AEBP2: variants seen among roughly 807,000 people sequenced by gnomAD.
AEBP2 encodes AE binding protein 2, also known as zinc finger protein AEBP2.
Under a neutral mutation model 50.8 loss-of-function variants are expected in AEBP2, and 10 were observed. The observed-to-expected ratio is 0.20, with a 90% CI of 0.12 to 0.33. The LOEUF is 0.33. Among genes scored for constraint, AEBP2 ranks in the 10% least tolerant of loss-of-function variants. The pLI is 1.00. For missense variants in AEBP2, 570 were observed against 688.0 expected (o/e 0.83, Z 1.92); for synonymous variants, 296 against 261.3 (o/e 1.13, Z -1.28).
At chr12:19,494,427 C>T (rs1948939428) in intron 4 of AEBP2, among the ~76,000 whole-genome samples, 2 of 151,596 alleles carry the variant, frequency 1.3e-5, no homozygotes, top group Non-Finnish European at 2.9e-5. Flanking sequence ...CAGAGTGAGA[C>T]CCTGTCTCAA....
chr12:19,462,732 TTC>T lies in AEBP2; in HGVS notation c.879+17_879+18del. 6.4e-7 allele frequency: 1 copy of T among 1,570,778 alleles called. No homozygotes were observed. Among genetic ancestry groups the T allele is most frequent in the Non-Finnish European group, 8.7e-7 (1 of 1,152,026 alleles). On this transcript the variant is annotated intron_variant, in intron 2 of 7. Transcript: ENST00000266508. The stretch of plus-strand genomic sequence containing the variant: ...AGCGAGGAGGGGTTGGTTTTGTCAT[TTC>T]TTTTTTTCGCTCCCTGTTTTCGTTA...
At chr12:19,513,892 ATTT>A (rs34664301) in intron 6 of AEBP2, among the ~76,000 whole-genome samples, 54 of 100,340 alleles carry the variant, frequency 5.4e-4, no homozygotes, top group East Asian at 3.6e-3. Context: ...GGCCGCATGC[ATTT>A]TTTTTTTTTT....
intron 1 of AEBP2, among the ~76,000 whole-genome samples, chr12:19,409,212 C>A (rs58515106): frequency 6.6e-6 from 1 of 152,070 alleles, no homozygotes; most frequent in Admixed American, 6.6e-5. Flanking sequence ...AATCTACTTG[C>A]GTTAGTGTTG....
At chr12:19,486,808 C>CT (rs148320030) in intron 3 of AEBP2, among the ~76,000 whole-genome samples, 11,052 of 148,464 alleles carry the variant, frequency 0.074, 472 homozygotes, top group South Asian at 0.2. Context: ...CTTTTCTTTT[C>CT]TTTTTTTTTT....
intron 5 of AEBP2, among the ~76,000 whole-genome samples, chr12:19,509,599 A>T (rs1339833755): frequency 6.6e-6 from 1 of 151,990 alleles, no homozygotes; most frequent in Admixed American, 6.6e-5. Context: ...TAAAAAAGAC[A>T]TACCTAGGCG....
At chr12:19,417,001 A>G (rs549477601) in intron 1 of AEBP2, among the ~76,000 whole-genome samples, 3 of 151,406 alleles carry the variant, frequency 2.0e-5, no homozygotes, top group Non-Finnish European at 4.4e-5. Context: ...CCTCCTGAGT[A>G]GCTGAGACTA....
At chr12:19,484,570 T>A (rs1948779802) in intron 3 of AEBP2, among the ~76,000 whole-genome samples, 1 of 152,006 alleles carries the variant, frequency 6.6e-6, no homozygotes, top group African/African-American at 2.4e-5. Flanking sequence ...AAACGGGGTT[T>A]CACCATGTTG....
At chr12:19,515,737 T>C (rs1949308141) in intron 7 of AEBP2, among the ~76,000 whole-genome samples, 1 of 152,218 alleles carries the variant, frequency 6.6e-6, no homozygotes, top group East Asian at 1.9e-4. Context: ...TTTGAGACAT[T>C]ATTCTGTGAG....
intron 4 of AEBP2, among the ~76,000 whole-genome samples, chr12:19,496,113 T>C (rs1336861253): frequency 5.3e-5 from 8 of 152,212 alleles, no homozygotes; most frequent in Admixed American, 5.2e-4. Context: ...TTAAATTTTC[T>C]GACTTTTCAC....
At chr12:19,440,438 C>T (rs1947932403) in intron 1 of AEBP2, 68 bp downstream of exon 1, 4 of 1,437,578 alleles carry the variant, frequency 2.8e-6, no homozygotes, top group African/African-American at 1.4e-5. Flanking sequence ...AGAGGGGGAC[C>T]AAGGCGACGT....
At chr12:19,489,622 TA>T (rs1261275728) in intron 3 of AEBP2, among the ~76,000 whole-genome samples, 1 of 152,186 alleles carries the variant, frequency 6.6e-6, no homozygotes, top group Admixed American at 6.5e-5. Flanking sequence ...AGTGAAAATA[TA>T]AAACATATTT....
intron 1 of AEBP2, chr12:19,457,683 GT>G (rs1167867734): frequency 1.6e-6 from 2 of 1,254,642 alleles, no homozygotes; most frequent in Non-Finnish European, 2.1e-6. Context: ...CAACACCTGT[GT>G]TCTGGCGGCA....
intron 1 of AEBP2, among the ~76,000 whole-genome samples, chr12:19,420,253 T>A (rs1238848933): frequency 6.6e-6 from 1 of 150,528 alleles, no homozygotes; most frequent in East Asian, 2.0e-4. Flanking sequence ...GGTCTCGAAC[T>A]CCTGACCTCA....
chr12:19,508,723 A>G (rs1949190197), intron 5 of AEBP2, among the ~76,000 whole-genome samples: 1 of 152,212 alleles, frequency 6.6e-6, no homozygotes, highest in South Asian at 2.1e-4. Context: ...TGATTGGCCT[A>G]CCTTTCATTT....
At chr12:19,451,686 ATTTTTT>A (rs34094890) in intron 1 of AEBP2, among the ~76,000 whole-genome samples, 30 of 146,918 alleles carry the variant, frequency 2.0e-4, no homozygotes, top group Middle Eastern at 3.4e-3. Context: ...CCATCTTTTA[ATTTTTT>A]TTTTTTTTTT....
At chr12:19,456,844 C>T (rs1948277945) in intron 1 of AEBP2, 1 of 1,540,424 alleles carries the variant, frequency 6.5e-7, no homozygotes, top group Non-Finnish European at 9.0e-7. Flanking sequence ...ACTCGGCCAA[C>T]AGGAACAGTA....
chr12:19,500,298 T>C (rs1257875698), intron 5 of AEBP2, 77 bp downstream of exon 5: 1 of 1,282,816 alleles, frequency 7.8e-7, no homozygotes, highest in East Asian at 2.9e-5. Context: ...TCTAAATCTC[T>C]CAAAATCTAA....
chr12:19,407,450 C>CA (rs2095736934), intron 1 of AEBP2, among the ~76,000 whole-genome samples: 1 of 152,042 alleles, frequency 6.6e-6, no homozygotes, highest in Non-Finnish European at 1.5e-5. Flanking sequence ...ATTACAGGCG[C>CA]ACGCCACCAT....
chr12:19,434,751 T>G (rs926114848), upstream of AEBP2, among the ~76,000 whole-genome samples: 1 of 152,224 alleles, frequency 6.6e-6, no homozygotes, highest in Non-Finnish European at 1.5e-5. Context: ...CCTGTCACTG[T>G]GGTTATGGAG....
Sources: gnomAD v4.1 joint callset for allele counts (sites outside exome capture counted in the v4.1 genomes callset) on GRCh38, gnomAD v4.1.1 for gene constraint, MANE v1.5 for transcripts, NCBI Gene and HGNC (gene_info 2026-07-23, HGNC 2026-07-21) for gene names.